The following RUNDC3B variants were observed in gnomAD, a reference collection of about 807,000 sequenced individuals.
RUNDC3B encodes RUN domain containing 3B, also known as RUN domain-containing protein 3B.
In RUNDC3B, 33 loss-of-function variants were observed where a neutral mutation model predicts 58.4. The observed-to-expected ratio is 0.56, with a 90% confidence interval of 0.43 to 0.75. RUNDC3B has a LOEUF of 0.75. Among genes scored for constraint, RUNDC3B ranks in the 30% least tolerant of loss-of-function variants. The pLI is 0.00. For missense variants in RUNDC3B, 501 were observed against 535.7 expected, an observed-to-expected ratio of 0.94 and a Z score of 0.64; for synonymous variants, 193 against 195.2, an observed-to-expected ratio of 0.99 and a Z score of 0.10.
chr7:87,729,230 A>G (rs1243582790), intron 4 of RUNDC3B, among the ~76,000 whole-genome samples: 1 of 152,188 alleles, frequency 6.6e-6, no homozygotes, highest in Non-Finnish European at 1.5e-5. Context: ...ACCAAATTGA[A>G]GAACTATCCG....
intron 1 of RUNDC3B, among the ~76,000 whole-genome samples, chr7:87,633,526 T>C (rs1821434613): frequency 6.6e-6 from 1 of 152,234 alleles, no homozygotes; most frequent in African/African-American, 2.4e-5. Flanking sequence ...CATCCTTCTG[T>C]TTCTTCCTAC....
chr7:87,642,578 T>C (rs989757203), intron 1 of RUNDC3B, among the ~76,000 whole-genome samples: 1 of 152,080 alleles, frequency 6.6e-6, no homozygotes, highest in South Asian at 2.1e-4. Flanking sequence ...GATGGCTTAC[T>C]AATTTTAGAT....
chr7:87,738,640 TAAA>T (rs1229678541), intron 4 of RUNDC3B, among the ~76,000 whole-genome samples: 1 of 152,004 alleles, frequency 6.6e-6, no homozygotes, highest in South Asian at 2.1e-4. Flanking sequence ...ATATAGGACT[TAAA>T]GAAGAATTGG....
At chr7:87,825,718 A>G (rs1003476458) in intron 10 of RUNDC3B, among the ~76,000 whole-genome samples, 1 of 152,190 alleles carries the variant, frequency 6.6e-6, no homozygotes, top group African/African-American at 2.4e-5. Context: ...CTGCAAAACC[A>G]CAGGGGTGGA....
chr7:87,664,735 T>A (rs1177824743), intron 2 of RUNDC3B, among the ~76,000 whole-genome samples: 4 of 152,062 alleles, frequency 2.6e-5, no homozygotes, highest in Non-Finnish European at 5.9e-5. Context: ...ATTTAAAAAT[T>A]TATAGCAAAA....
chr7:87,783,084 T>TA (rs1322842085), intron 8 of RUNDC3B, among the ~76,000 whole-genome samples: 1 of 152,114 alleles, frequency 6.6e-6, no homozygotes, highest in Non-Finnish European at 1.5e-5. Flanking sequence ...ATTGTGTGGT[T>TA]AAGTCTTTTG....
At chr7:87,632,563 T>G (rs1821332423) in intron 1 of RUNDC3B, among the ~76,000 whole-genome samples, 1 of 152,172 alleles carries the variant, frequency 6.6e-6, no homozygotes, top group Admixed American at 6.5e-5. Context: ...TTCATACACT[T>G]GACTTTGGCT....
Position 87,821,364 on chromosome 7 carries a change from C to T in RUNDC3B, c.1225+5102C>T, listed in dbSNP as rs190713321. 2.6e-3 allele frequency among the ~76,000 whole-genome samples: 391 copies of T among 152,268 alleles called. 1 individual carries two copies. Among genetic ancestry groups the T allele is most frequent in the Non-Finnish European group, 4.2e-3 (286 of 68,026 alleles). ...TGAAGGACCTTTTCAAGCAGAACTA[C>T]AAACCACTGCTCAATGAAATAAAAG... On this transcript the variant is annotated intron_variant, in intron 10 of 10. Transcript: ENST00000394654.
chr7:87,716,609 A>G (rs925848292), intron 4 of RUNDC3B, among the ~76,000 whole-genome samples: 2 of 152,306 alleles, frequency 1.3e-5, no homozygotes, highest in African/African-American at 4.8e-5. Flanking sequence ...TTTGCCCTCC[A>G]TCAGATAGGA....
intron 3 of RUNDC3B, among the ~76,000 whole-genome samples, chr7:87,710,356 T>C (rs1481649888): frequency 6.6e-6 from 1 of 152,042 alleles, no homozygotes; most frequent in Non-Finnish European, 1.5e-5. Flanking sequence ...GAAAGTTAGT[T>C]TGACATGCTG....
intron 3 of RUNDC3B, among the ~76,000 whole-genome samples, chr7:87,700,834 G>T (rs1440051684): frequency 6.6e-6 from 1 of 152,040 alleles, no homozygotes; most frequent in African/African-American, 2.4e-5. Context: ...TTGCCTTTTC[G>T]CTGTGTTGAT....
At chr7:87,796,581 A>G (rs1004999814) in intron 8 of RUNDC3B, among the ~76,000 whole-genome samples, 2 of 152,312 alleles carry the variant, frequency 1.3e-5, no homozygotes, top group Non-Finnish European at 1.5e-5. Flanking sequence ...AAAACATAAC[A>G]TCTACTCTGT....
intron 2 of RUNDC3B, among the ~76,000 whole-genome samples, chr7:87,672,756 TG>T (rs1468277612): frequency 6.6e-6 from 1 of 152,156 alleles, no homozygotes; most frequent in Non-Finnish European, 1.5e-5. Flanking sequence ...GGGAGAAGTG[TG>T]GTTTCCTGAG....
chr7:87,768,572 A>G (rs2130865793), intron 6 of RUNDC3B, among the ~76,000 whole-genome samples: 1 of 152,348 alleles, frequency 6.6e-6, no homozygotes, highest in East Asian at 1.9e-4. Context: ...TTTCCAGATT[A>G]CTATTGGCAG....
At chr7:87,768,234 C>T (rs2130865239) in intron 6 of RUNDC3B, among the ~76,000 whole-genome samples, 1 of 152,280 alleles carries the variant, frequency 6.6e-6, no homozygotes. Flanking sequence ...GTGGGGTTCT[C>T]AGGCAGGAGA....
intron 3 of RUNDC3B, among the ~76,000 whole-genome samples, chr7:87,704,511 T>TG (rs1829419555): frequency 6.6e-6 from 1 of 152,220 alleles, no homozygotes; most frequent in African/African-American, 2.4e-5. Flanking sequence ...ATGTAGCATT[T>TG]GGACCTGGGT....
At chr7:87,787,469 C>A (rs1039358971) in intron 8 of RUNDC3B, among the ~76,000 whole-genome samples, 1 of 151,994 alleles carries the variant, frequency 6.6e-6, no homozygotes, top group Admixed American at 6.6e-5. Flanking sequence ...AATCCTGAGT[C>A]ACTTAGTTTT....
rs1181760578 is a variant in RUNDC3B at position 87,681,388 on chromosome 7, A to G, written c.239-19033A>G. On this transcript the variant is annotated intron_variant, in intron 2 of 10. Transcript: ENST00000394654. Reference sequence around the variant, plus strand: ...ATTACAAGAAAAGGAAACTCTACTCATACTGAGGTATATTGCTTGTTCAGT... The same window carrying G: ...ATTACAAGAAAAGGAAACTCTACTCGTACTGAGGTATATTGCTTGTTCAGT... Among the ~76,000 whole-genome samples, 2 of 150,698 alleles carry G rather than the reference A, an allele frequency of 1.3e-5. 1 individual carries two copies. Among genetic ancestry groups the G allele is most frequent in the Non-Finnish European group, 2.9e-5 (2 of 67,866 alleles).
At chr7:87,743,203 T>G (rs1362121740) in intron 6 of RUNDC3B, among the ~76,000 whole-genome samples, 5 of 152,212 alleles carry the variant, frequency 3.3e-5, no homozygotes, top group Admixed American at 1.3e-4. Flanking sequence ...ACACAGTTTC[T>G]TTATCCACTT....
Sources: gnomAD v4.1 joint callset for allele counts (sites outside exome capture counted in the v4.1 genomes callset) on GRCh38, gnomAD v4.1.1 for gene constraint, MANE v1.5 for transcripts, NCBI Gene and HGNC (gene_info 2026-07-23, HGNC 2026-07-21) for gene names.